SBNO2: variants seen among roughly 807,000 people sequenced by gnomAD.
SBNO2 encodes the protein strawberry notch homolog 2.
A neutral mutation model predicts 146.3 loss-of-function variants in SBNO2; 89 were observed. That is an observed-to-expected ratio of 0.61 (90% CI 0.51 to 0.73). SBNO2 has a LOEUF of 0.73. Ranked by LOEUF, SBNO2 falls within the 30% of genes least tolerant of loss-of-function variation. SBNO2 has a pLI of 0.00. For missense variants in SBNO2, 2,092 were observed against 2,003.7 expected (o/e 1.04, Z -0.84); for synonymous variants, 1,147 against 892.6 (o/e 1.29, Z -5.08).
rs1053569712 is a variant in SBNO2, at chr19:1,157,395, G to A, written c.-126-2993C>T. Among the ~76,000 whole-genome samples, 6 of 149,680 alleles carry A rather than the reference G, an allele frequency of 4.0e-5. No individual in the cohort carries two copies. Among genetic ancestry groups the A allele is most frequent in the Admixed American group, 1.3e-4 (2 of 15,092 alleles). On this transcript the variant is annotated intron_variant, in intron 1 of 31. Transcript: ENST00000361757. The surrounding 1 kb of genome is among the most constrained non-coding windows in gnomAD (Gnocchi z 6.8). ...CCCTCTGCCACGCAGCCCCGGAGAC[G>A]CTCTCCCCACGCGGCCCCGGAGACC...
chr19:1,108,155 C>A lies in SBNO2; in HGVS notation c.*65G>T. Reference sequence around the variant, plus strand: ...TGGTCAGGGGACCTTGGCCCTGCTCCCCACCGCTGCTCCTAGGGGAGAAAC... The same window carrying A: ...TGGTCAGGGGACCTTGGCCCTGCTCACCACCGCTGCTCCTAGGGGAGAAAC... On this transcript the variant is annotated 3_prime_UTR_variant, in exon 32 of 32. Transcript: ENST00000361757. 2 of 1,446,368 alleles carry A rather than the reference C, an allele frequency of 1.4e-6. No homozygotes were observed. Among genetic ancestry groups the A allele is most frequent in the Non-Finnish European group, 1.8e-6 (2 of 1,089,048 alleles). The allele number at this position is 1,446,368 out of a possible 1,614,324, so 89.6% of individuals were successfully genotyped here.
Position 1,144,923 on chromosome 19 carries a change from G to C in SBNO2, c.279+2386C>G, listed in dbSNP as rs11880557. Among the ~76,000 whole-genome samples, 4 of 149,326 alleles carry C rather than the reference G, an allele frequency of 2.7e-5. No individual in the cohort carries two copies. Among genetic ancestry groups the C allele is most frequent in the Non-Finnish European group, 5.9e-5 (4 of 67,504 alleles). ...AGAGGCGGAGATGGAGACAGAGACA[G>C]AGAGACAGAGACAGAGAGGGAGACA... is the stretch of plus-strand genomic sequence containing the variant. On this transcript the variant is annotated intron_variant, in intron 4 of 31. Transcript: ENST00000361757. The surrounding 1 kb of genome is among the most constrained non-coding windows in gnomAD (Gnocchi z 4.1).
chr19:1,142,984 T>G (rs1056151331), intron 4 of SBNO2, among the ~76,000 whole-genome samples: 3 of 151,992 alleles, frequency 2.0e-5, no homozygotes, highest in Admixed American at 6.6e-5. Flanking sequence ...AAGTCATGAC[T>G]AGCTGTCTCG....
At chr19:1,130,999 G>A (rs1446539048) in intron 4 of SBNO2, among the ~76,000 whole-genome samples, 1 of 152,148 alleles carries the variant, frequency 6.6e-6, no homozygotes, top group Admixed American at 6.5e-5. Flanking sequence ...GGTTCCCAGG[G>A]CTGGCCCTGT....
rs1372307226 is a variant in SBNO2 at position 1,126,366 on chromosome 19, T to A, written c.441+1238A>T. ...CCCGGTGGGGCTGGCGGGCATTGGG[T>A]TTCAGATGCCCTCGTGCCGGCCACA... On this transcript the variant is annotated intron_variant, in intron 5 of 31. Coordinates refer to ENST00000361757, the MANE Select transcript of SBNO2 (RefSeq NM_014963.3). This position sits in a 1 kb window ranked among gnomAD's most constrained non-coding sequence, Gnocchi z 4.4. Among the ~76,000 whole-genome samples the A allele has an allele frequency of 6.6e-6, 1 of 151,768 alleles. No homozygotes were observed. Among genetic ancestry groups the A allele is most frequent in the Non-Finnish European group, 1.5e-5 (1 of 67,904 alleles).
intron 11 of SBNO2, among the ~76,000 whole-genome samples, chr19:1,120,569 G>A (rs1041149094): frequency 6.6e-6 from 1 of 151,964 alleles, no homozygotes; most frequent in African/African-American, 2.4e-5. Context: ...GGGGTTGGCC[G>A]TTTGGTTGGC....
At chr19:1,129,553 G>A (rs1236729066) in intron 4 of SBNO2, among the ~76,000 whole-genome samples, 1 of 152,202 alleles carries the variant, frequency 6.6e-6, no homozygotes, top group African/African-American at 2.4e-5. Context: ...AGCCTCTGGA[G>A]GCCCCGATCG....
In SBNO2 at chr19:1,153,764, G is replaced by A. The variant is rs1157753769; in HGVS notation, c.93+420C>T. On this transcript the variant is annotated intron_variant, in intron 2 of 31. Coordinates refer to ENST00000361757, the MANE Select transcript of SBNO2 (RefSeq NM_014963.3). ...TGTTGGCCAGGCTGGTCTTGAACTCGGGACCTCAGGTGATCTGCCCACCTC... is the reference window on the plus strand; with the variant it reads ...TGTTGGCCAGGCTGGTCTTGAACTCAGGACCTCAGGTGATCTGCCCACCTC... Among the ~76,000 whole-genome samples the A allele has an allele frequency of 2.6e-5, 4 of 152,022 alleles. No homozygotes were observed. The East Asian group carries it at 7.7e-4, about 29-fold the overall frequency.
intron 4 of SBNO2, among the ~76,000 whole-genome samples, chr19:1,135,786 G>C (rs2080079666): frequency 6.6e-6 from 1 of 151,948 alleles, no homozygotes; most frequent in Non-Finnish European, 1.5e-5. Flanking sequence ...CTCCTGGAGG[G>C]GGCTGGGGGG....
In SBNO2 at chr19:1,127,594, G is replaced by A. The variant is rs1568586770; in HGVS notation, c.441+10C>T. 1.2e-6 allele frequency: 2 copies of A among 1,610,012 alleles called. No homozygotes were observed. ...GGTCGGGGCTGGCTGGGGGCACCGG[G>A]CGCACTGACCTTATCGTGGGTGGAG... On this transcript the variant is annotated intron_variant, in intron 5 of 31. Transcript: ENST00000361757.
At chr19:1,113,490 G>A in intron 19 of SBNO2, 45 bp downstream of exon 19, 1 of 1,489,610 alleles carries the variant, frequency 6.7e-7, no homozygotes, top group Non-Finnish European at 9.1e-7. Context: ...CCCACCCACT[G>A]CCCATGCCCC....
chr19:1,112,869 G>A lies in SBNO2; in HGVS notation c.2328C>T (p.Ser776=). Residue 776 remains serine, a synonymous_variant, in exon 20 of 32, where the codon TCC becomes TCT. Transcript: ENST00000361757. This position sits in a 1 kb window ranked among gnomAD's most constrained non-coding sequence, Gnocchi z 5.9. ...TCTCCCTGAGGTTCACGTGGTCGAT[G>A]GACAGACCCTGCTCTGCCCGCGACT... ...AFESRAEQGL[S]IDHVNLREKQ... is the part of the protein sequence containing the mutation. 5 of 1,575,726 alleles carry A rather than the reference G, an allele frequency of 3.2e-6. No homozygotes were observed. The highest frequency in any genetic ancestry group is 4.3e-6 in the Non-Finnish European group (5 of 1,162,304).
intron 14 of SBNO2, 74 bp downstream of exon 14, chr19:1,118,937 A>T (rs2079864852): frequency 6.8e-7 from 1 of 1,464,012 alleles, no homozygotes; most frequent in Non-Finnish European, 9.2e-7. Context: ...CGCCTGTGGC[A>T]TCTGCAAGGC....
chr19:1,129,600 G>A (rs901601356), intron 4 of SBNO2, among the ~76,000 whole-genome samples: 6 of 152,124 alleles, frequency 3.9e-5, no homozygotes, highest in Admixed American at 2.0e-4. Context: ...TGAGGCCCAC[G>A]AGGGCCCTCC....
chr19:1,172,767 T>C (rs1416047232), intron 1 of SBNO2, among the ~76,000 whole-genome samples: 92 of 61,756 alleles, frequency 1.5e-3, no homozygotes, highest in Admixed American at 3.3e-3. Context: ...TGTAAAACAC[T>C]CACTGCAACC....
chr19:1,171,394 A>G (rs2145365782), intron 1 of SBNO2, among the ~76,000 whole-genome samples: 1 of 152,306 alleles, frequency 6.6e-6, no homozygotes, highest in South Asian at 2.1e-4. Context: ...CGCAACATAC[A>G]GATACACAAA....
intron 1 of SBNO2, among the ~76,000 whole-genome samples, chr19:1,165,639 A>G (rs1260538031): frequency 6.6e-6 from 1 of 150,568 alleles, no homozygotes; most frequent in African/African-American, 2.5e-5. Flanking sequence ...CCCAGATCCC[A>G]GACTTCAGAT....
Position 1,123,601 on chromosome 19 carries a change from CTCG to C in SBNO2, c.558_560del (p.Asp186del). The C allele has an allele frequency of 6.2e-7, 1 of 1,613,410 alleles. No homozygotes were observed. The highest frequency in any genetic ancestry group is 8.5e-7 in the Non-Finnish European group (1 of 1,179,762). The stretch of plus-strand genomic sequence containing the variant: ...GCTCCTCCGCCTCCTCCTCCTCAGC[CTCG>C]TCCTCCTCCTCTGGCTGGCTCTGCA... On this transcript the variant is annotated inframe_deletion, in exon 7 of 32. Coordinates refer to ENST00000361757, the MANE Select transcript of SBNO2 (RefSeq NM_014963.3).
At chr19:1,171,496 T>A (rs1252476995) in intron 1 of SBNO2, among the ~76,000 whole-genome samples, 1 of 151,930 alleles carries the variant, frequency 6.6e-6, no homozygotes, top group African/African-American at 2.4e-5. Context: ...TTTACAGCTG[T>A]GGATTACATG....
Sources: gnomAD v4.1 joint callset for allele counts (sites outside exome capture counted in the v4.1 genomes callset) on GRCh38, gnomAD v4.1.1 for gene constraint, Gnocchi (gnomAD v3.1) non-coding constraint, MANE v1.5 for transcripts, NCBI Gene and HGNC (gene_info 2026-07-23, HGNC 2026-07-21) for gene names.